The following SPG21 variants were observed in gnomAD, a reference collection of about 807,000 sequenced individuals.
SPG21 encodes SPG21 abhydrolase domain containing, maspardin.
SPG21 carries 26 observed loss-of-function variants against 38.9 expected under a neutral mutation model. The ratio of observed to expected loss-of-function variants is 0.67; its 90% CI spans 0.49 to 0.93. The LOEUF (loss-of-function observed/expected upper bound fraction) is 0.93, where lower values mean the gene tolerates loss of function less well. Among genes scored for constraint, SPG21 ranks in the 40% least tolerant of loss-of-function variants. SPG21 has a pLI of 0.00. For synonymous variants in SPG21, 136 were observed against 128.9 expected, an observed-to-expected ratio of 1.05 and a Z score of -0.37; for missense variants, 333 against 376.5, an observed-to-expected ratio of 0.88 and a Z score of 0.96.
intron 1 of SPG21, among the ~76,000 whole-genome samples, chr15:64,984,204 G>C (rs1167041080): frequency 6.6e-6 from 1 of 152,212 alleles, no homozygotes; most frequent in Non-Finnish European, 1.5e-5. Flanking sequence ...CCAGATGTGA[G>C]ACAGCCTTTT....
At chr15:64,972,299 A>G (rs188135066) in intron 5 of SPG21, among the ~76,000 whole-genome samples, 43 of 152,304 alleles carry the variant, frequency 2.8e-4, no homozygotes, top group African/African-American at 1.0e-3. Context: ...TCACTCCTGG[A>G]TCCTCAGTGT....
intron 1 of SPG21, among the ~76,000 whole-genome samples, chr15:64,988,004 A>G (rs1170314888): frequency 6.6e-6 from 1 of 152,252 alleles, no homozygotes; most frequent in Non-Finnish European, 1.5e-5. Context: ...ATTGCACTCC[A>G]GCCTGGGCAA....
At chr15:64,983,402 G>T (rs532836560) in intron 2 of SPG21, 105 bp downstream of exon 2, 1 of 797,744 alleles carries the variant, frequency 1.3e-6, no homozygotes, top group Non-Finnish European at 2.1e-6. Flanking sequence ...CATGATACTC[G>T]GCAGTAACCT....
At chr15:64,981,825 C>T (rs768326093) in intron 2 of SPG21, among the ~76,000 whole-genome samples, 5 of 152,160 alleles carry the variant, frequency 3.3e-5, no homozygotes, top group Admixed American at 6.5e-5. Flanking sequence ...TAGAAAAGTA[C>T]ATTAACTGCT....
At chr15:64,976,256 C>A (rs2085769579) in intron 4 of SPG21, among the ~76,000 whole-genome samples, 1 of 152,128 alleles carries the variant, frequency 6.6e-6, no homozygotes. Flanking sequence ...GAAACCCCAT[C>A]TTTACTAAAA....
Position 64,965,429 on chromosome 15 carries a change from G to C in SPG21, c.701C>G (p.Ala234Gly). 6.2e-7 allele frequency: 1 copy of C among 1,614,070 alleles called. No individual in the cohort carries two copies. Among genetic ancestry groups the C allele is most frequent in the Non-Finnish European group, 8.5e-7 (1 of 1,180,014 alleles). ...ATACAGCTTGTACATTTCTTCTTTA[G>C]CTTCAGTTGAAAGCGCACTCTGATC... Reference protein sequence around the residue: ...VFDQSALSTEAKEEMYKLYPN... With the variant: ...VFDQSALSTEGKEEMYKLYPN... Residue 234 changes from alanine to glycine, a missense_variant, in exon 8 of 9, where the codon GCT (alanine) becomes GGT (glycine). Coordinates refer to ENST00000204566, the MANE Select transcript of SPG21 (RefSeq NM_016630.7).
At chr15:64,988,497 C>T (rs2086044423) in intron 1 of SPG21, 1 of 152,210 alleles carries the variant, frequency 6.6e-6, no homozygotes, top group African/African-American at 2.4e-5. Flanking sequence ...TTTTAATGCA[C>T]GTCTCCATCC....
chr15:64,973,877 G>A (rs1206873072), intron 5 of SPG21, among the ~76,000 whole-genome samples: 1 of 152,048 alleles, frequency 6.6e-6, no homozygotes, highest in Non-Finnish European at 1.5e-5. Context: ...GAAATAAATT[G>A]GAAAGGGAAA....
intron 8 of SPG21, among the ~76,000 whole-genome samples, chr15:64,964,527 G>A (rs1019758080): frequency 1.4e-4 from 21 of 152,120 alleles, no homozygotes; most frequent in Non-Finnish European, 2.6e-4. Flanking sequence ...GTTTTTTAAG[G>A]CTCTTGATTC....
chr15:64,965,245 G>T, intron 8 of SPG21, 75 bp downstream of exon 8: 1 of 1,580,112 alleles, frequency 6.3e-7, no homozygotes, highest in Non-Finnish European at 8.7e-7. Context: ...TCCCTAACTA[G>T]TCCATTAAAA....
intron 3 of SPG21, 108 bp downstream of exon 3, chr15:64,980,756 C>CAAAT (rs2085867827): frequency 7.7e-7 from 1 of 1,306,906 alleles, no homozygotes; most frequent in South Asian, 1.3e-5. Flanking sequence ...AACAAACAAA[C>CAAAT]AAACAAACAA....
Position 64,963,248 on chromosome 15 carries a change from A to G in SPG21, c.*372T>C, listed in dbSNP as rs370095647. The G allele has an allele frequency of 1.4e-5, 3 of 207,026 alleles. No homozygotes were observed. Among genetic ancestry groups the G allele is most frequent in the African/African-American group, 2.3e-5 (1 of 42,868 alleles). 12.8% of individuals were successfully genotyped at this position (207,026 alleles called of 1,614,324 possible). A position where few individuals can be genotyped will look rare whatever the true frequency, so the allele number is the denominator to read the frequency against. Reference sequence around the variant, plus strand: ...GCAGCATTTACAGCAAACAACATAAAAAGAAAGAAAGAAGAATGGAAAAGA... The same window carrying G: ...GCAGCATTTACAGCAAACAACATAAGAAGAAAGAAAGAAGAATGGAAAAGA... On this transcript the variant is annotated 3_prime_UTR_variant, in exon 9 of 9. Transcript: ENST00000204566.
At chr15:64,974,339 T>C (rs2085732852) in intron 5 of SPG21, among the ~76,000 whole-genome samples, 1 of 151,956 alleles carries the variant, frequency 6.6e-6, no homozygotes, top group Non-Finnish European at 1.5e-5. Context: ...TGTGGTGCCA[T>C]GCATGCCTGC....
At position 64,963,526 on chromosome 15, in the gene SPG21, C is replaced by A; in HGVS notation, c.*94G>T. On this transcript the variant is annotated 3_prime_UTR_variant, in exon 9 of 9. Coordinates refer to ENST00000204566, the MANE Select transcript of SPG21 (RefSeq NM_016630.7). The stretch of plus-strand genomic sequence containing the variant: ...ACACAGTGAGAACCGGTGAGCCTGA[C>A]GAACCTGAAGGAAAAGGCTGGCTGA... 2 of 1,039,482 alleles carry A rather than the reference C, an allele frequency of 1.9e-6. No individual in the cohort carries two copies. Among genetic ancestry groups the A allele is most frequent in the Non-Finnish European group, 3.0e-6 (2 of 666,714 alleles). 64.4% of individuals were successfully genotyped at this position (1,039,482 alleles called of 1,614,324 possible). A position where few individuals can be genotyped will look rare whatever the true frequency, so the allele number is the denominator to read the frequency against.
Position 64,963,568 on chromosome 15 carries a change from T to C in SPG21, c.*52A>G. 1.3e-6 allele frequency: 2 copies of C among 1,484,340 alleles called. No individual in the cohort carries two copies. The highest frequency in any genetic ancestry group is 1.9e-6 in the Non-Finnish European group (2 of 1,064,000). 91.9% of individuals were successfully genotyped at this position (1,484,340 alleles called of 1,614,324 possible). On this transcript the variant is annotated 3_prime_UTR_variant, in exon 9 of 9. Coordinates refer to ENST00000204566, the MANE Select transcript of SPG21 (RefSeq NM_016630.7). ...GCTGGCTGACGGGTGCTGATGCCAC[T>C]GACTATACAAGAACACACCGGGTCA...
At chr15:64,980,009 A>T (rs1166625391) in intron 3 of SPG21, among the ~76,000 whole-genome samples, 1 of 152,208 alleles carries the variant, frequency 6.6e-6, no homozygotes, top group Non-Finnish European at 1.5e-5. Context: ...CCAAATGCTA[A>T]CATATGAGCT....
At chr15:64,971,695 G>A (rs1467174489) in intron 5 of SPG21, among the ~76,000 whole-genome samples, 3 of 151,980 alleles carry the variant, frequency 2.0e-5, no homozygotes, top group African/African-American at 4.8e-5. Flanking sequence ...AATTAGCCAG[G>A]GGCGGTGGCC....
In SPG21 at chr15:64,974,606, T is replaced by A; in HGVS notation, c.448A>T (p.Asn150Tyr). 1.2e-6 allele frequency: 2 copies of A among 1,614,184 alleles called. No homozygotes were observed. Among genetic ancestry groups the A allele is most frequent in the South Asian group, 2.2e-5 (2 of 91,090 alleles). ...AAAAAGTAATTTTGTTCTTACCTGT[T>A]TGCAGTCCAAGTTTGGTTGAAGATA... ...TSIFNQTWTA[N>Y]SFWLMPAFML... is the part of the protein sequence containing the mutation. Residue 150 changes from asparagine (N) to tyrosine (Y), a missense_variant, in exon 5 of 9, where the codon AAC becomes TAC. Asn to Tyr is a moderately radical substitution (Grantham distance 143). Coordinates refer to ENST00000204566, the MANE Select transcript of SPG21 (RefSeq NM_016630.7).
intron 3 of SPG21, among the ~76,000 whole-genome samples, chr15:64,976,761 AAAGT>A (rs576449382): frequency 6.6e-6 from 1 of 152,218 alleles, no homozygotes; most frequent in Non-Finnish European, 1.5e-5. Flanking sequence ...AAGAGTATAA[AAAGT>A]AAGCACACTC....
Sources: allele counts gnomAD v4.1 joint callset (sites outside exome capture counted in the v4.1 genomes callset), GRCh38; gene constraint gnomAD v4.1.1; transcripts MANE v1.5; gene names NCBI Gene and HGNC (gene_info 2026-07-23, HGNC 2026-07-21).